CACNA2D3: variants seen among roughly 807,000 people sequenced by gnomAD.
CACNA2D3 encodes the protein calcium voltage-gated channel auxiliary subunit alpha2delta 3.
A neutral mutation model predicts 160.6 loss-of-function variants in CACNA2D3; 60 were observed. The ratio of observed to expected loss-of-function variants is 0.37; its 90% confidence interval spans 0.30 to 0.46. The LOEUF is 0.46. Ranked by LOEUF, CACNA2D3 falls within the 20% of genes least tolerant of loss-of-function variation. The pLI is 1.00. For synonymous variants in CACNA2D3, 558 were observed against 492.9 expected (o/e 1.13, Z -1.75); for missense variants, 1,205 against 1,365.0 (o/e 0.88, Z 1.85).
intron 2 of CACNA2D3, among the ~76,000 whole-genome samples, chr3:54,190,517 A>G (rs146505720): frequency 6.6e-6 from 1 of 152,312 alleles, no homozygotes; most frequent in African/African-American, 2.4e-5. Context: ...TTAAAACCTT[A>G]CATCATTGTA....
intron 6 of CACNA2D3, among the ~76,000 whole-genome samples, chr3:54,565,702 T>C (rs986736140): frequency 6.6e-6 from 1 of 152,226 alleles, no homozygotes; most frequent in African/African-American, 2.4e-5. Flanking sequence ...AGTCACCATG[T>C]TGAATAACAT....
At chr3:54,944,522 G>A (rs767337681) in intron 27 of CACNA2D3, among the ~76,000 whole-genome samples, 3 of 152,130 alleles carry the variant, frequency 2.0e-5, no homozygotes, top group South Asian at 2.1e-4. Context: ...CCGGGTTCAC[G>A]CCATTCCCCT....
chr3:54,630,482 T>G (rs1025757149), intron 10 of CACNA2D3, among the ~76,000 whole-genome samples: 8 of 152,208 alleles, frequency 5.3e-5, no homozygotes, highest in Non-Finnish European at 1.0e-4. Flanking sequence ...GGTGAGGAGA[T>G]GCCATCCTCC....
chr3:54,771,233 A>G (rs1483453730), intron 13 of CACNA2D3, among the ~76,000 whole-genome samples: 1 of 151,896 alleles, frequency 6.6e-6, no homozygotes, highest in African/African-American at 2.4e-5. Flanking sequence ...CAACCAACAC[A>G]CTCCCATTAT....
At chr3:54,260,200 C>G (rs1702377430) in intron 2 of CACNA2D3, among the ~76,000 whole-genome samples, 1 of 152,054 alleles carries the variant, frequency 6.6e-6, no homozygotes, top group South Asian at 2.1e-4. Flanking sequence ...TCTCTTTTTT[C>G]TCTGGGAACT....
intron 35 of CACNA2D3, among the ~76,000 whole-genome samples, chr3:55,036,924 G>A (rs887089987): frequency 2.0e-5 from 3 of 152,116 alleles, no homozygotes; most frequent in Non-Finnish European, 4.4e-5. Flanking sequence ...GCCTATAGAA[G>A]TGTATGATTC....
chr3:54,668,427 A>C (rs537245039), intron 11 of CACNA2D3, among the ~76,000 whole-genome samples: 2 of 152,156 alleles, frequency 1.3e-5, no homozygotes, highest in African/African-American at 4.8e-5. Context: ...TGAAGCTGAC[A>C]TGTGGGTTCA....
chr3:54,764,137 A>G (rs922023079), intron 12 of CACNA2D3, 81 bp from the exon 13 acceptor site: 32 of 1,480,128 alleles, frequency 2.2e-5, no homozygotes, highest in Non-Finnish European at 3.0e-5. Flanking sequence ...CTAGAGGGCA[A>G]GAAGGCATGG....
chr3:54,821,713 T>TTCCTTCC (rs1337268886), intron 14 of CACNA2D3, among the ~76,000 whole-genome samples: 113 of 106,654 alleles, frequency 1.1e-3, no homozygotes, highest in Non-Finnish European at 2.1e-3. Flanking sequence ...TCCTTCCTTC[T>TTCCTTCC]TTCCTCTCTC....
At chr3:54,734,685 T>A (rs1280887483) in intron 11 of CACNA2D3, among the ~76,000 whole-genome samples, 1 of 152,200 alleles carries the variant, frequency 6.6e-6, no homozygotes, top group East Asian at 1.9e-4. Context: ...TTTGCTACAT[T>A]GTCTTCCAGT....
chr3:54,912,741 T>C (rs973046499), intron 27 of CACNA2D3, among the ~76,000 whole-genome samples: 42 of 152,116 alleles, frequency 2.8e-4, no homozygotes, highest in African/African-American at 9.2e-4. Flanking sequence ...TTCTTTATCT[T>C]CTCCCTCTGC....
intron 13 of CACNA2D3, among the ~76,000 whole-genome samples, chr3:54,773,144 G>A (rs913224014): frequency 1.3e-5 from 2 of 152,142 alleles, no homozygotes; most frequent in African/African-American, 2.4e-5. Context: ...CTCCTTCTCA[G>A]CCCCCACTAA....
At chr3:54,950,350 T>C (rs1701728034) in intron 27 of CACNA2D3, among the ~76,000 whole-genome samples, 1 of 152,186 alleles carries the variant, frequency 6.6e-6, no homozygotes, top group Non-Finnish European at 1.5e-5. Context: ...AAAGGCCCCT[T>C]TTAATCTGCT....
chr3:54,731,014 C>T (rs1701373431), intron 11 of CACNA2D3, among the ~76,000 whole-genome samples: 1 of 152,166 alleles, frequency 6.6e-6, no homozygotes, highest in Non-Finnish European at 1.5e-5. Flanking sequence ...TAAAGACTGT[C>T]AGCCCATTTG....
intron 16 of CACNA2D3, among the ~76,000 whole-genome samples, chr3:54,839,787 CT>C (rs1434460656): frequency 6.6e-6 from 1 of 152,188 alleles, no homozygotes; most frequent in Non-Finnish European, 1.5e-5. Context: ...CTGCAGGTTC[CT>C]GGCTCCATCG....
At chr3:54,856,554 C>A (rs1300662026) in intron 17 of CACNA2D3, among the ~76,000 whole-genome samples, 1 of 152,148 alleles carries the variant, frequency 6.6e-6, no homozygotes, top group Non-Finnish European at 1.5e-5. Context: ...TGCCAAAGAT[C>A]TAGTGATAAA....
intron 2 of CACNA2D3, among the ~76,000 whole-genome samples, chr3:54,129,837 C>T (rs576296628): frequency 6.6e-6 from 1 of 152,254 alleles, no homozygotes; most frequent in African/African-American, 2.4e-5. Flanking sequence ...TGTATGTGTG[C>T]GTGCCTGTGC....
At chr3:54,863,293 C>T (rs754448371) in intron 17 of CACNA2D3, among the ~76,000 whole-genome samples, 3 of 152,146 alleles carry the variant, frequency 2.0e-5, no homozygotes, top group Non-Finnish European at 4.4e-5. Context: ...CCTGGGTGCC[C>T]ACATGGATCT....
intron 35 of CACNA2D3, among the ~76,000 whole-genome samples, chr3:55,069,247 C>A (rs1704743088): frequency 6.6e-6 from 1 of 152,116 alleles, no homozygotes; most frequent in Non-Finnish European, 1.5e-5. Context: ...ATTTACTCTT[C>A]TGAAAGAATC....
Sources: allele counts gnomAD v4.1 joint callset (sites outside exome capture counted in the v4.1 genomes callset), GRCh38; gene constraint gnomAD v4.1.1; transcripts MANE v1.5; gene names NCBI Gene and HGNC (gene_info 2026-07-23, HGNC 2026-07-21).